Variants in RCN1 observed in about 807,000 individuals in gnomAD.
RCN1 encodes reticulocalbin-1.
Under a neutral mutation model 34.7 loss-of-function variants are expected in RCN1, and 14 were observed. The ratio of observed to expected loss-of-function variants is 0.40; its 90% CI spans 0.27 to 0.63. The LOEUF (loss-of-function observed/expected upper bound fraction) is 0.63, where lower values mean the gene tolerates loss of function less well. RCN1 is among the 30% of genes least tolerant of loss of function. RCN1 has a pLI of 0.37. For synonymous variants in RCN1, 125 were observed against 165.5 expected (o/e 0.76, Z 1.88); for missense variants, 326 against 425.1 (o/e 0.77, Z 2.05).
intron 4 of RCN1, 159 bp from the exon 5 acceptor site, chr11:32,103,122 A>G: frequency 1.5e-6 from 1 of 682,828 alleles, no homozygotes; most frequent in South Asian, 1.7e-5. Flanking sequence ...AAATTACTGC[A>G]TCATTATCCC....
At chr11:32,094,389 C>T (rs1851950413) in intron 1 of RCN1, among the ~76,000 whole-genome samples, 2 of 152,196 alleles carry the variant, frequency 1.3e-5, no homozygotes, top group African/African-American at 4.8e-5. Context: ...CACATACAGA[C>T]CCCCATATCT....
intron 1 of RCN1, among the ~76,000 whole-genome samples, chr11:32,095,097 G>A (rs1851957860): frequency 6.6e-6 from 1 of 152,148 alleles, no homozygotes; most frequent in African/African-American, 2.4e-5. Flanking sequence ...GTAACCCACT[G>A]GCATGTCTCC....
At chr11:32,099,422 A>G (rs962112991) in intron 3 of RCN1, among the ~76,000 whole-genome samples, 1 of 152,188 alleles carries the variant, frequency 6.6e-6, no homozygotes, top group African/African-American at 2.4e-5. Flanking sequence ...TCAGAAATGG[A>G]ATGAATTGGA....
At position 32,098,546 on chromosome 11, in the gene RCN1, T is replaced by C. The variant is rs1269703271; in HGVS notation, c.627+18T>C. On this transcript the variant is annotated intron_variant, in intron 3 of 5. Coordinates refer to ENST00000054950, the MANE Select transcript of RCN1 (RefSeq NM_002901.4). ...TGGTTTTGGTAAGATAAGTGAAGAG[T>C]CTGGGCTGGGAAGAGACCAGGGAGA... 6.3e-7 allele frequency: 1 copy of C among 1,587,270 alleles called. No individual in the cohort carries two copies. The highest frequency in any genetic ancestry group is 1.8e-5 in the Admixed American group (1 of 55,560).
At chr11:32,095,403 T>G (rs1225028254) in intron 1 of RCN1, among the ~76,000 whole-genome samples, 2 of 151,948 alleles carry the variant, frequency 1.3e-5, no homozygotes, top group Non-Finnish European at 2.9e-5. Flanking sequence ...TGCATCACCA[T>G]TCCTGGCTAA....
At chr11:32,100,894 A>G (rs16922820) in intron 4 of RCN1, among the ~76,000 whole-genome samples, 3,402 of 152,268 alleles carry the variant, frequency 0.022, 148 homozygotes, top group African/African-American at 0.077. Flanking sequence ...CACACTGCCT[A>G]GTTTTACCTT....
chr11:32,103,152 T>C (rs1852065264), intron 4 of RCN1, 129 bp from the exon 5 acceptor site: 3 of 736,016 alleles, frequency 4.1e-6, no homozygotes, highest in Non-Finnish European at 7.2e-6. Flanking sequence ...GCCTACCAGC[T>C]GTTTGAGTTA....
At chr11:32,098,600 A>G (rs1316124277) in intron 3 of RCN1, 72 bp downstream of exon 3, 1 of 1,237,564 alleles carries the variant, frequency 8.1e-7, no homozygotes, top group Non-Finnish European at 1.1e-6. Context: ...GTCTCTTCCA[A>G]AGAGAGAAGA....
chr11:32,091,592 G>C (rs1412459290), intron 1 of RCN1, 142 bp downstream of exon 1: 2 of 1,106,386 alleles, frequency 1.8e-6, no homozygotes, highest in Admixed American at 3.4e-5. Flanking sequence ...CCAACTCGGC[G>C]CTGGGGCTCA....
chr11:32,102,506 A>G (rs578087042), intron 4 of RCN1: 5 of 152,678 alleles, frequency 3.3e-5, no homozygotes, highest in East Asian at 3.9e-4. Context: ...TCCAAGAGCT[A>G]CTGACACACA....
At position 32,091,283 on chromosome 11, in the gene RCN1, C is replaced by A; in HGVS notation, c.87C>A (p.Ala29=). Residue 29 remains alanine, a synonymous_variant, in exon 1 of 6, where the codon GCC becomes GCA. Transcript: ENST00000054950. ...ALVLAPRVLR[A]KPTVRKERVV... is the part of the protein sequence containing the mutation. ...TGCTGGCGCCGCGGGTTCTGCGGGC[C>A]AAGCCCACGGTGCGCAAAGAGCGCG... The A allele has an allele frequency of 6.5e-7, 1 of 1,542,844 alleles. No homozygotes were observed. Among genetic ancestry groups the A allele is most frequent in the Non-Finnish European group, 8.7e-7 (1 of 1,144,022 alleles).
chr11:32,103,520 C>T (rs1852072603), intron 5 of RCN1, 40 bp downstream of exon 5: 2 of 1,559,168 alleles, frequency 1.3e-6, no homozygotes, highest in South Asian at 1.1e-5. Context: ...TGAAGGGAGA[C>T]AGTTTACATA....
chr11:32,091,925 A>G (rs1165945187), intron 1 of RCN1: 1 of 162,710 alleles, frequency 6.1e-6, no homozygotes. Context: ...TAAAAGATGA[A>G]GGGGCAGGCG....
At position 32,091,448 on chromosome 11, in the gene RCN1, A is replaced by G. The variant is rs759665438; in HGVS notation, c.252A>G (p.Leu84=). 40 of 1,543,096 alleles carry G rather than the reference A, an allele frequency of 2.6e-5. 1 individual carries two copies. The South Asian group carries it at 4.7e-4, about 18-fold the overall frequency. ...CCCCGGACGAGAGCAAGGAGAGGCTAGGGTGAGGCCGCGGCCAGGGCCCCG... is the reference window on the plus strand; with the variant it reads ...CCCCGGACGAGAGCAAGGAGAGGCTGGGGTGAGGCCGCGGCCAGGGCCCCG... ...QLTPDESKER[L]GKIVDRIDND... The change falls in exon 1 of 6, where the codon CTA becomes CTG. Residue 84 remains leucine (L), a splice_region_variant and synonymous_variant. Coordinates refer to ENST00000054950, the MANE Select transcript of RCN1 (RefSeq NM_002901.4).
chr11:32,095,369 C>T (rs1188610587), intron 1 of RCN1, among the ~76,000 whole-genome samples: 5 of 152,040 alleles, frequency 3.3e-5, no homozygotes, highest in African/African-American at 9.7e-5. Context: ...ACCTCAGCCT[C>T]CTGAGTAGCT....
intron 4 of RCN1, 132 bp from the exon 5 acceptor site, chr11:32,103,149 A>T: frequency 1.4e-6 from 1 of 726,528 alleles, no homozygotes; most frequent in East Asian, 2.6e-5. Flanking sequence ...GCTGCCTACC[A>T]GCTGTTTGAG....
chr11:32,094,722 A>G (rs1184912025), intron 1 of RCN1, among the ~76,000 whole-genome samples: 4 of 152,216 alleles, frequency 2.6e-5, no homozygotes, highest in Non-Finnish European at 5.9e-5. Flanking sequence ...TATTCCTCAC[A>G]ACATTCCTTG....
Position 32,104,866 on chromosome 11 carries a change from A to G in RCN1, c.*394A>G, listed in dbSNP as rs1237840914. On this transcript the variant is annotated 3_prime_UTR_variant, in exon 6 of 6. Coordinates refer to ENST00000054950, the MANE Select transcript of RCN1 (RefSeq NM_002901.4). ...GTGTATTTTAACTACCAGATTTTTT[A>G]TATTTGCCACTGTTAAATAGTTGGA... 5.6e-6 allele frequency: 1 copy of G among 179,584 alleles called. No homozygotes were observed. The allele number at this position is 179,584 out of a possible 1,614,324, so 11.1% of individuals were successfully genotyped here.
Position 32,091,300 on chromosome 11 carries a change from A to G in RCN1, c.104A>G (p.Lys35Arg), listed in dbSNP as rs1188808047. 1 of 1,545,924 alleles carries G rather than the reference A, an allele frequency of 6.5e-7. No individual in the cohort carries two copies. Among genetic ancestry groups the G allele is most frequent in the Non-Finnish European group, 8.7e-7 (1 of 1,145,548 alleles). Residue 35 changes from lysine to arginine, a missense_variant, in exon 1 of 6, where the codon AAA (lysine) becomes AGA (arginine). Lys to Arg is a conservative substitution (Grantham distance 26). Transcript: ENST00000054950. ...CTGCGGGCCAAGCCCACGGTGCGCA[A>G]AGAGCGCGTGGTGCGGCCCGACTCG... The part of the protein sequence containing the change: ...RVLRAKPTVR[K>R]ERVVRPDSEL...
Sources: allele counts gnomAD v4.1 joint callset (sites outside exome capture counted in the v4.1 genomes callset), GRCh38; gene constraint gnomAD v4.1.1; transcripts MANE v1.5; gene names NCBI Gene and HGNC (gene_info 2026-07-23, HGNC 2026-07-21).